Variants in CTNNA1 observed in about 807,000 individuals in gnomAD.
The protein encoded by CTNNA1 is catenin alpha-1.
In CTNNA1, 37 loss-of-function variants were observed where a neutral mutation model predicts 98.4. That is an observed-to-expected ratio of 0.38 (90% CI 0.29 to 0.49). The LOEUF (loss-of-function observed/expected upper bound fraction) is 0.49. Among genes scored for constraint, CTNNA1 ranks in the 20% least tolerant of loss-of-function variants. The pLI is 0.95. For synonymous variants in CTNNA1, 404 were observed against 413.2 expected (o/e 0.98, Z 0.27); for missense variants, 761 against 1,147.2 (o/e 0.66, Z 4.86).
intron 11 of CTNNA1, among the ~76,000 whole-genome samples, chr5:138,920,465 G>GT (rs1383484291): frequency 6.6e-6 from 1 of 152,220 alleles, no homozygotes; most frequent in Non-Finnish European, 1.5e-5. Flanking sequence ...CGGTGCTTTG[G>GT]TGGACCCATA....
rs1479647539 is a variant in CTNNA1, at chr5:138,874,279, G to A, written c.1063-11933G>A. 1.2e-6 allele frequency: 2 copies of A among 1,613,990 alleles called. No homozygotes were observed. The highest frequency in any genetic ancestry group is 1.3e-5 in the African/African-American group (1 of 75,036). ...CTTCTTTTACTGTTGAAATTTGATT[G>A]TGATCTAAGTGGAGCCAAGTAAGTT... On this transcript the variant is annotated intron_variant, in intron 7 of 17. Coordinates refer to ENST00000302763, the MANE Select transcript of CTNNA1 (RefSeq NM_001903.5). This position sits in a 1 kb window ranked among gnomAD's most constrained non-coding sequence, Gnocchi z 4.1.
chr5:138,827,030 A>G (rs546154949), intron 6 of CTNNA1, among the ~76,000 whole-genome samples: 35 of 152,256 alleles, frequency 2.3e-4, no homozygotes, highest in South Asian at 4.1e-4. Context: ...TCCTCCTTCA[A>G]TCTCTCAAAG....
intron 3 of CTNNA1, among the ~76,000 whole-genome samples, chr5:138,787,185 C>T (rs1755802876): frequency 6.6e-6 from 1 of 152,184 alleles, no homozygotes; most frequent in Admixed American, 6.5e-5. Flanking sequence ...AATCCCAGCA[C>T]TTTGGGAGGC....
intron 7 of CTNNA1, chr5:138,875,477 C>G (rs1357086831): frequency 1.0e-6 from 1 of 985,260 alleles, no homozygotes; most frequent in Non-Finnish European, 1.2e-6. Context: ...GTTGCAGGAC[C>G]CCCTGATTAC....
intron 3 of CTNNA1, among the ~76,000 whole-genome samples, chr5:138,802,833 G>A (rs998410130): frequency 3.3e-5 from 5 of 152,230 alleles, no homozygotes; most frequent in African/African-American, 7.2e-5. Flanking sequence ...AGGGTCTTGC[G>A]CTGGAGTGGT....
chr5:138,821,106 C>T (rs375205876), intron 5 of CTNNA1, among the ~76,000 whole-genome samples: 5 of 152,286 alleles, frequency 3.3e-5, no homozygotes, highest in Middle Eastern at 3.4e-3. Context: ...CTAAGTGTGA[C>T]GCCAATCAGT....
At chr5:138,902,640 C>T (rs1389324414) in intron 9 of CTNNA1, among the ~76,000 whole-genome samples, 2 of 152,164 alleles carry the variant, frequency 1.3e-5, no homozygotes, top group Non-Finnish European at 1.5e-5. Context: ...AGGATGGTCT[C>T]GATCTCCTGA....
chr5:138,760,058 G>A (rs1172192238), intron 1 of CTNNA1, among the ~76,000 whole-genome samples: 4 of 133,568 alleles, frequency 3.0e-5, no homozygotes, highest in South Asian at 2.6e-4. Flanking sequence ...GCAATGGCGC[G>A]ATCTTGGCTC....
At chr5:138,838,448 TA>T (rs926948883) in intron 7 of CTNNA1, among the ~76,000 whole-genome samples, 3 of 152,242 alleles carry the variant, frequency 2.0e-5, no homozygotes, top group Admixed American at 2.0e-4. Context: ...TAATTTGTTT[TA>T]TTTTTTCTTT....
At chr5:138,757,589 A>G (rs989339949) in intron 1 of CTNNA1, among the ~76,000 whole-genome samples, 1 of 152,208 alleles carries the variant, frequency 6.6e-6, no homozygotes, top group Non-Finnish European at 1.5e-5. Flanking sequence ...CTTAAGACTC[A>G]GCACTTTCGT....
chr5:138,831,797 A>G (rs1761300173), intron 7 of CTNNA1, among the ~76,000 whole-genome samples: 1 of 152,236 alleles, frequency 6.6e-6, no homozygotes, highest in Non-Finnish European at 1.5e-5. Context: ...AAAAATATTC[A>G]TTCATGGTCT....
chr5:138,930,244 C>T (rs572210462), intron 14 of CTNNA1, among the ~76,000 whole-genome samples: 2 of 152,284 alleles, frequency 1.3e-5, no homozygotes, highest in Non-Finnish European at 2.9e-5. Flanking sequence ...CCTTCCACCC[C>T]TCGCTGTTTC....
chr5:138,777,854 G>A (rs1187228583), intron 1 of CTNNA1, among the ~76,000 whole-genome samples: 1 of 137,318 alleles, frequency 7.3e-6, no homozygotes, highest in Non-Finnish European at 1.6e-5. Flanking sequence ...CGTGGAAAGA[G>A]AGGGAGAGGG....
chr5:138,838,831 G>C (rs4835707), intron 7 of CTNNA1, among the ~76,000 whole-genome samples: 12 of 151,920 alleles, frequency 7.9e-5, no homozygotes, highest in Non-Finnish European at 1.5e-4. Context: ...GGGTCTCATC[G>C]TGTTACCCAG....
chr5:138,842,825 G>A (rs1210386845), intron 7 of CTNNA1, among the ~76,000 whole-genome samples: 1 of 152,126 alleles, frequency 6.6e-6, no homozygotes, highest in African/African-American at 2.4e-5. Context: ...TTCTAATCAT[G>A]GCAGTTAAAA....
chr5:138,903,313 G>A (rs1412029064), intron 9 of CTNNA1, among the ~76,000 whole-genome samples: 6 of 152,088 alleles, frequency 3.9e-5, no homozygotes, highest in Non-Finnish European at 8.8e-5. Context: ...TAAGTTGGGC[G>A]GAGGAGTGAA....
At chr5:138,775,792 G>A (rs1198155046) in intron 1 of CTNNA1, among the ~76,000 whole-genome samples, 3 of 142,412 alleles carry the variant, frequency 2.1e-5, no homozygotes, top group Non-Finnish European at 4.5e-5. Context: ...GCGCGATCTC[G>A]GTTCACTGCA....
At chr5:138,914,438 C>T (rs1156689581) in intron 10 of CTNNA1, among the ~76,000 whole-genome samples, 2 of 152,152 alleles carry the variant, frequency 1.3e-5, no homozygotes, top group South Asian at 2.1e-4. Flanking sequence ...CACAGCATAA[C>T]GTGAGAAAAA....
chr5:138,759,942 T>C (rs1026644118), intron 1 of CTNNA1, among the ~76,000 whole-genome samples: 2 of 151,434 alleles, frequency 1.3e-5, no homozygotes, highest in African/African-American at 4.9e-5. Flanking sequence ...CCTACTCTGC[T>C]GTTTTAGAAT....
Sources: allele counts gnomAD v4.1 joint callset (sites outside exome capture counted in the v4.1 genomes callset), GRCh38; gene constraint gnomAD v4.1.1; non-coding constraint Gnocchi (gnomAD v3.1); transcripts MANE v1.5; gene names NCBI Gene and HGNC (gene_info 2026-07-23, HGNC 2026-07-21).